The following NR3C2 variants were observed in gnomAD, a reference collection of about 807,000 sequenced individuals.
NR3C2 encodes nuclear receptor subfamily 3 group C member 2.
A neutral mutation model predicts 86.4 loss-of-function variants in NR3C2; 15 were observed. The observed-to-expected ratio is 0.17, with a 90% CI of 0.12 to 0.27. The LOEUF (loss-of-function observed/expected upper bound fraction) is 0.27. Among genes scored for constraint, NR3C2 ranks in the 10% least tolerant of loss-of-function variants. The pLI is 1.00. For synonymous variants in NR3C2, 458 were observed against 450.5 expected, an observed-to-expected ratio of 1.02 and a Z score of -0.21; for missense variants, 960 against 1,195.6, an observed-to-expected ratio of 0.80 and a Z score of 2.91.
At chr4:148,373,479 TC>T (rs78385007) in intron 2 of NR3C2, among the ~76,000 whole-genome samples, 4,730 of 114,848 alleles carry the variant, frequency 0.041, 333 homozygotes, top group African/African-American at 0.1. Context: ...ACTTTTTTTT[TC>T]TTTTTTTTTT....
chr4:148,207,769 C>T (rs1737076927), intron 3 of NR3C2, among the ~76,000 whole-genome samples: 1 of 152,144 alleles, frequency 6.6e-6, no homozygotes, highest in Non-Finnish European at 1.5e-5. Flanking sequence ...TCCAAAGACC[C>T]CCAGTGGATG....
At chr4:148,196,767 C>T (rs1328469469) in intron 3 of NR3C2, among the ~76,000 whole-genome samples, 1 of 151,980 alleles carries the variant, frequency 6.6e-6, no homozygotes, top group Non-Finnish European at 1.5e-5. Flanking sequence ...TGAAACCCTG[C>T]CATTATAATA....
At chr4:148,370,099 G>A (rs1475836045) in intron 2 of NR3C2, among the ~76,000 whole-genome samples, 2 of 152,202 alleles carry the variant, frequency 1.3e-5, no homozygotes, top group East Asian at 1.9e-4. Flanking sequence ...TTGTCCCATA[G>A]GGATAGATGG....
chr4:148,126,529 G>A (rs769979125), intron 6 of NR3C2, among the ~76,000 whole-genome samples: 6 of 152,194 alleles, frequency 3.9e-5, no homozygotes, highest in Non-Finnish European at 7.3e-5. Flanking sequence ...AACTTGCCTA[G>A]AGTAGAACAT....
At chr4:148,122,905 G>C (rs1007151283) in intron 6 of NR3C2, among the ~76,000 whole-genome samples, 1 of 152,050 alleles carries the variant, frequency 6.6e-6, no homozygotes, top group African/African-American at 2.4e-5. Context: ...CCTTGAAAAA[G>C]AACAGAATAA....
chr4:148,346,156 G>A (rs1744979732), intron 2 of NR3C2, among the ~76,000 whole-genome samples: 1 of 152,044 alleles, frequency 6.6e-6, no homozygotes, highest in African/African-American at 2.4e-5. Context: ...ATACAATAAG[G>A]CATGTTTGCA....
At chr4:148,259,784 A>G (rs1331299341) in intron 3 of NR3C2, among the ~76,000 whole-genome samples, 194 bp downstream of exon 3, 4 of 152,208 alleles carry the variant, frequency 2.6e-5, no homozygotes, top group Admixed American at 6.5e-5. Context: ...AGAATTTCAA[A>G]TTTTGCTCAT....
chr4:148,122,434 A>G (rs961213560), intron 6 of NR3C2, among the ~76,000 whole-genome samples: 4 of 152,204 alleles, frequency 2.6e-5, no homozygotes, highest in Non-Finnish European at 5.9e-5. Flanking sequence ...TATTTCACAC[A>G]TATTTTCTAA....
At chr4:148,273,416 CACACATGTATAT>C (rs1348968855) in intron 2 of NR3C2, among the ~76,000 whole-genome samples, 56 of 152,232 alleles carry the variant, frequency 3.7e-4, no homozygotes, top group African/African-American at 1.3e-3. Context: ...CACATGTATA[CACACATGTATAT>C]ACCTAAGCAA....
intron 6 of NR3C2, among the ~76,000 whole-genome samples, chr4:148,134,787 T>C (rs1047151160): frequency 6.6e-6 from 1 of 151,694 alleles, no homozygotes; most frequent in Non-Finnish European, 1.5e-5. Context: ...TAGCTGGGAT[T>C]ACAGGTGTGC....
At position 148,204,580 on chromosome 4, in the gene NR3C2, T is replaced by C. The variant is rs373571934; in HGVS notation, c.1898-9718A>G. On this transcript the variant is annotated intron_variant, in intron 3 of 8. Transcript: ENST00000358102. Reference sequence around the variant, plus strand: ...TGGCTAGCTTAGCTGGGATTCATACTTACAGCACTTTCATTACAGCACTTA... The same window carrying C: ...TGGCTAGCTTAGCTGGGATTCATACCTACAGCACTTTCATTACAGCACTTA... 1.2e-3 allele frequency among the ~76,000 whole-genome samples: 187 copies of C among 152,330 alleles called. 6 individuals carry two copies. The South Asian group carries it at 0.036, about 29-fold the overall frequency.
chr4:148,157,674 T>G (rs1242825367), intron 4 of NR3C2, among the ~76,000 whole-genome samples: 1 of 152,118 alleles, frequency 6.6e-6, no homozygotes, highest in Non-Finnish European at 1.5e-5. Flanking sequence ...TATGTGAGAA[T>G]TACTTACGTT....
chr4:148,442,684 C>T (rs954212141), upstream of NR3C2: 4 of 985,400 alleles, frequency 4.1e-6, no homozygotes, highest in Admixed American at 6.1e-5. Context: ...ATGACTGATA[C>T]AAAGTTGCTG....
At chr4:148,415,573 T>A (rs560244929) in intron 2 of NR3C2, among the ~76,000 whole-genome samples, 7 of 152,270 alleles carry the variant, frequency 4.6e-5, no homozygotes, top group African/African-American at 1.7e-4. Flanking sequence ...AAAAGCAGCA[T>A]TCTCAGGGGG....
intron 2 of NR3C2, among the ~76,000 whole-genome samples, chr4:148,291,373 A>T (rs748719195): frequency 2.0e-5 from 3 of 152,106 alleles, no homozygotes; most frequent in Admixed American, 6.5e-5. Flanking sequence ...TGATTTCCAA[A>T]AATGTCTCTG....
chr4:148,156,837 G>A (rs371316584), intron 4 of NR3C2, among the ~76,000 whole-genome samples: 2 of 152,012 alleles, frequency 1.3e-5, no homozygotes, highest in South Asian at 4.2e-4. Flanking sequence ...ATCACGCTGT[G>A]ATAAAGACAC....
At chr4:148,131,183 ATG>A (rs1370086385) in intron 6 of NR3C2, among the ~76,000 whole-genome samples, 1 of 152,090 alleles carries the variant, frequency 6.6e-6, no homozygotes, top group Non-Finnish European at 1.5e-5. Context: ...GCCTCTAGGA[ATG>A]TGTGTGTGTT....
upstream of NR3C2, chr4:148,444,639 G>A (rs1328176575): frequency 1.0e-6 from 1 of 985,876 alleles, no homozygotes; most frequent in Non-Finnish European, 1.2e-6. Context: ...CGGCGGTGAG[G>A]ATGGAGAGGA....
At position 148,179,290 on chromosome 4, in the gene NR3C2, C is replaced by T. The variant is rs746040183; in HGVS notation, c.2014+15456G>A. On this transcript the variant is annotated intron_variant, in intron 4 of 8. Coordinates refer to ENST00000358102, the MANE Select transcript of NR3C2 (RefSeq NM_000901.5). ...CGGATTATAGGTCTCTTGAGACCAC[C>T]GAGGACAAATGACAAGATTTCCTAT... Among the ~76,000 whole-genome samples, 68 of 151,408 alleles carry T rather than the reference C, an allele frequency of 4.5e-4. 1 individual carries two copies. The highest frequency in any genetic ancestry group is 8.6e-4 in the Non-Finnish European group (58 of 67,784).
Sources: allele counts gnomAD v4.1 joint callset (sites outside exome capture counted in the v4.1 genomes callset), GRCh38; gene constraint gnomAD v4.1.1; transcripts MANE v1.5; gene names NCBI Gene and HGNC (gene_info 2026-07-23, HGNC 2026-07-21).